Variants in TOX observed in about 807,000 individuals in gnomAD.
TOX encodes thymocyte selection-associated high mobility group box protein TOX.
In TOX, 11 loss-of-function variants were observed where a neutral mutation model predicts 53.7. The ratio of observed to expected loss-of-function variants is 0.20; its 90% CI spans 0.13 to 0.34. The LOEUF (loss-of-function observed/expected upper bound fraction) is 0.34. TOX is among the 10% of genes least tolerant of loss of function. The pLI is 1.00. For synonymous variants in TOX, 225 were observed against 245.3 expected (o/e 0.92, Z 0.77); for missense variants, 570 against 664.6 (o/e 0.86, Z 1.56).
intron 5 of TOX, among the ~76,000 whole-genome samples, chr8:58,837,348 T>C (rs987375402): frequency 2.6e-5 from 4 of 152,354 alleles, no homozygotes; most frequent in African/African-American, 9.6e-5. Flanking sequence ...CATGGCCATC[T>C]AGTTCCTGGT....
At chr8:58,885,136 C>T (rs953277084) in intron 3 of TOX, among the ~76,000 whole-genome samples, 1 of 152,052 alleles carries the variant, frequency 6.6e-6, no homozygotes, top group East Asian at 1.9e-4. Context: ...TTCAACATTA[C>T]AATAGATTAA....
intron 3 of TOX, among the ~76,000 whole-genome samples, chr8:58,881,616 C>G (rs1368762016): frequency 6.7e-6 from 1 of 149,368 alleles, no homozygotes; most frequent in Non-Finnish European, 1.5e-5. Context: ...CCCAGCTACT[C>G]AGGAGGCTGA....
At chr8:58,832,023 G>A (rs375333919) in intron 5 of TOX, among the ~76,000 whole-genome samples, 14 of 151,520 alleles carry the variant, frequency 9.2e-5, no homozygotes, top group South Asian at 6.2e-4. Context: ...GTCTCTGAGC[G>A]TATGAATATT....
At chr8:58,859,579 A>G (rs770116789) in intron 3 of TOX, among the ~76,000 whole-genome samples, 1 of 152,180 alleles carries the variant, frequency 6.6e-6, no homozygotes, top group Non-Finnish European at 1.5e-5. Context: ...AATTTATTAG[A>G]TATTTGCCAA....
At chr8:58,937,980 T>C (rs899075374) in intron 3 of TOX, among the ~76,000 whole-genome samples, 4 of 152,176 alleles carry the variant, frequency 2.6e-5, no homozygotes, top group Non-Finnish European at 5.9e-5. Context: ...CCATTTTCTA[T>C]TTATGGAGTC....
Position 58,975,252 on chromosome 8 carries a change from AC to A in TOX, c.103-15245del, listed in dbSNP as rs879827504. 3.2e-3 allele frequency among the ~76,000 whole-genome samples: 482 copies of A among 149,034 alleles called. 3 individuals carry two copies. Among genetic ancestry groups the A allele is most frequent in the Non-Finnish European group, 6.1e-3 (408 of 67,168 alleles). On this transcript the variant is annotated intron_variant, in intron 1 of 8. Transcript: ENST00000361421. ...ATGTGTGTGATATATATATACACAC[AC>A]ACACACACACCCCCACACAGAGAGA...
intron 5 of TOX, among the ~76,000 whole-genome samples, chr8:58,829,653 G>A (rs746095776): frequency 6.6e-6 from 1 of 152,134 alleles, no homozygotes; most frequent in Non-Finnish European, 1.5e-5. Flanking sequence ...AGAACTACCT[G>A]ATGGCTCCCA....
intron 3 of TOX, among the ~76,000 whole-genome samples, chr8:58,930,134 A>G (rs751768219): frequency 8.5e-5 from 13 of 152,234 alleles, no homozygotes; most frequent in Non-Finnish European, 1.5e-5. Context: ...ATGATAAATG[A>G]CATTGTACTT....
chr8:58,978,419 C>T (rs1300442081), intron 1 of TOX, among the ~76,000 whole-genome samples: 3 of 152,196 alleles, frequency 2.0e-5, no homozygotes, highest in Admixed American at 6.5e-5. Context: ...TCCTCGTATG[C>T]TTCTGGGACC....
rs755557987 is a variant in TOX at position 58,822,409 on chromosome 8, T to G, written c.1005+4413A>C. ...AGAGCCTAAAATTGAACAAGGTATTTTGGAGTCTGACCAGCACTGTGTTTG... is the reference window on the plus strand; with the variant it reads ...AGAGCCTAAAATTGAACAAGGTATTGTGGAGTCTGACCAGCACTGTGTTTG... On this transcript the variant is annotated intron_variant, in intron 6 of 8. Transcript: ENST00000361421. Among the ~76,000 whole-genome samples the G allele has an allele frequency of 3.0e-4, 46 of 152,342 alleles. No homozygotes were observed. The Middle Eastern group carries it at 0.014, about 45-fold the overall frequency.
intron 2 of TOX, among the ~76,000 whole-genome samples, chr8:58,956,016 T>G (rs1017072318): frequency 6.6e-6 from 1 of 152,080 alleles, no homozygotes; most frequent in Non-Finnish European, 1.5e-5. Flanking sequence ...ATTACAGGCA[T>G]GAGCAACCAC....
intron 1 of TOX, among the ~76,000 whole-genome samples, chr8:58,995,417 CACTCA>C (rs1813543437): frequency 6.6e-6 from 1 of 152,174 alleles, no homozygotes; most frequent in African/African-American, 2.4e-5. Flanking sequence ...AAACTGCAAA[CACTCA>C]ATGAACTACA....
At chr8:59,020,770 T>C (rs961347313) in intron 1 of TOX, among the ~76,000 whole-genome samples, 3 of 152,152 alleles carry the variant, frequency 2.0e-5, no homozygotes, top group Non-Finnish European at 4.4e-5. Context: ...CCTTTATAAG[T>C]ATAGTAAACT....
intron 3 of TOX, among the ~76,000 whole-genome samples, chr8:58,862,107 T>C (rs916029044): frequency 2.0e-5 from 3 of 152,098 alleles, no homozygotes; most frequent in East Asian, 1.9e-4. Context: ...AAATAATACA[T>C]TATAAAACAT....
intron 1 of TOX, among the ~76,000 whole-genome samples, chr8:59,052,188 A>T (rs1198453138): frequency 6.6e-6 from 1 of 152,242 alleles, no homozygotes; most frequent in Admixed American, 6.5e-5. Context: ...TGTAATGGGA[A>T]CACATTAAAG....
Position 59,119,082 on chromosome 8 carries a change from G to T in TOX, c.-95C>A, listed in dbSNP as rs1805164610. The T allele has an allele frequency of 1.3e-6, 1 of 763,816 alleles. No homozygotes were observed. The highest frequency in any genetic ancestry group is 2.5e-5 in the Admixed American group (1 of 39,588). 47.3% of individuals were successfully genotyped at this position (763,816 alleles called of 1,614,324 possible). A position where few individuals can be genotyped will look rare whatever the true frequency, so the allele number is the denominator to read the frequency against. ...TAGACGGAACAGAGTGAGGTGTCTG[G>T]GCTCAGGAGTAAAAGAAACACCTTC... On this transcript the variant is annotated 5_prime_UTR_variant, in exon 1 of 9. Transcript: ENST00000361421.
At chr8:58,850,318 T>C (rs1188756085) in intron 4 of TOX, among the ~76,000 whole-genome samples, 1 of 152,140 alleles carries the variant, frequency 6.6e-6, no homozygotes, top group African/African-American at 2.4e-5. Flanking sequence ...CCTAGGGAAG[T>C]ACCCAGGTTG....
At chr8:59,037,126 G>T (rs979775196) in intron 1 of TOX, among the ~76,000 whole-genome samples, 8 of 149,442 alleles carry the variant, frequency 5.4e-5, no homozygotes, top group Non-Finnish European at 1.0e-4. Flanking sequence ...GTATTGAAAG[G>T]TTAAAACCCA....
At chr8:58,846,895 G>C (rs577618163) in intron 4 of TOX, among the ~76,000 whole-genome samples, 1 of 152,074 alleles carries the variant, frequency 6.6e-6, no homozygotes, top group Non-Finnish European at 1.5e-5. Context: ...CCTTGTATGT[G>C]ACCTCCCAGA....
Sources: gnomAD v4.1 joint callset for allele counts (sites outside exome capture counted in the v4.1 genomes callset) on GRCh38, gnomAD v4.1.1 for gene constraint, MANE v1.5 for transcripts, NCBI Gene and HGNC (gene_info 2026-07-23, HGNC 2026-07-21) for gene names.